PDIA5: variants seen among roughly 807,000 people sequenced by gnomAD.
The protein encoded by PDIA5 is protein disulfide-isomerase A5.
PDIA5 carries 58 observed loss-of-function variants against 77.6 expected under a neutral mutation model. The observed-to-expected ratio is 0.75, with a 90% CI of 0.61 to 0.93. The LOEUF is 0.93. PDIA5 is among the 40% of genes least tolerant of loss of function. PDIA5 has a pLI of 0.00. For missense variants in PDIA5, 630 were observed against 647.7 expected (o/e 0.97, Z 0.30); for synonymous variants, 250 against 252.1 (o/e 0.99, Z 0.08).
At chr3:123,092,282 C>A in intron 2 of PDIA5, 73 bp from the exon 3 acceptor site, 2 of 1,252,730 alleles carry the variant, frequency 1.6e-6, no homozygotes, top group Non-Finnish European at 2.3e-6. Context: ...CTTCCTCACC[C>A]CTGAGGGAAG....
At chr3:123,161,257 G>C in intron 15 of PDIA5, 64 bp from the exon 16 acceptor site, 1 of 1,547,884 alleles carries the variant, frequency 6.5e-7, no homozygotes, top group African/African-American at 1.4e-5. Context: ...TGCAATCTGT[G>C]TTGTGGGGTC....
intron 14 of PDIA5, among the ~76,000 whole-genome samples, 199 bp downstream of exon 14, chr3:123,150,563 G>A (rs1006427074): frequency 1.3e-5 from 2 of 152,044 alleles, no homozygotes; most frequent in African/African-American, 2.4e-5. Context: ...TGTCAGACTC[G>A]TCGGGCTCTC....
chr3:123,093,856 T>C (rs956520629), intron 3 of PDIA5, among the ~76,000 whole-genome samples: 26 of 152,284 alleles, frequency 1.7e-4, no homozygotes, highest in African/African-American at 5.8e-4. Flanking sequence ...CGGAGCACAA[T>C]ACCACGCGCT....
At chr3:123,115,778 G>A (rs140578473) in intron 7 of PDIA5, among the ~76,000 whole-genome samples, 60 of 152,360 alleles carry the variant, frequency 3.9e-4, no homozygotes, top group South Asian at 2.1e-3. Context: ...GATCGTATTC[G>A]TGGTCACACA....
chr3:123,106,627 C>G (rs767395732), intron 5 of PDIA5, 122 bp from the exon 6 acceptor site: 1 of 710,358 alleles, frequency 1.4e-6, no homozygotes, highest in Non-Finnish European at 2.5e-6. Flanking sequence ...CACATGCAGT[C>G]CTGAGCTCAG....
At chr3:123,154,838 G>A in intron 14 of PDIA5, 133 bp from the exon 15 acceptor site, 1 of 702,452 alleles carries the variant, frequency 1.4e-6, no homozygotes. Context: ...TTGACAAAAG[G>A]ACCCTGACAG....
In PDIA5 at chr3:123,116,132, T is replaced by TTC. The variant is rs1576449939; in HGVS notation, c.542-99_542-98insTC. Reference sequence around the variant, plus strand: ...CCTGAGCTTCTCAAGGCTGGATAAGTGCTTGTTGGGTAGAGGATGGCCATG... The same window carrying TTC: ...CCTGAGCTTCTCAAGGCTGGATAAGTTCGCTTGTTGGGTAGAGGATGGCCATG... On this transcript the variant is annotated intron_variant, in intron 7 of 16. Coordinates refer to ENST00000316218, the MANE Select transcript of PDIA5 (RefSeq NM_006810.4). 35 of 931,534 alleles carry TTC rather than the reference T, an allele frequency of 3.8e-5. No homozygotes were observed. The East Asian group carries it at 8.4e-4, about 22-fold the overall frequency. 57.7% of individuals were successfully genotyped at this position (931,534 alleles called of 1,614,324 possible). A position where few individuals can be genotyped will look rare whatever the true frequency, so the allele number is the denominator to read the frequency against.
intron 11 of PDIA5, among the ~76,000 whole-genome samples, chr3:123,133,888 A>G (rs1408347779): frequency 6.6e-6 from 1 of 152,230 alleles, no homozygotes. Context: ...ATAATATAGG[A>G]AAGTATAGAG....
chr3:123,082,455 C>T (rs759704134), intron 1 of PDIA5, among the ~76,000 whole-genome samples: 2 of 151,968 alleles, frequency 1.3e-5, no homozygotes, highest in African/African-American at 2.4e-5. Context: ...GAGGGGTAAA[C>T]GAGTTAGTGG....
chr3:123,124,207 A>C, intron 9 of PDIA5, 50 bp downstream of exon 9: 1 of 1,569,834 alleles, frequency 6.4e-7, no homozygotes, highest in Non-Finnish European at 8.8e-7. Flanking sequence ...CTGGTGATTG[A>C]CCATAATCTC....
At chr3:123,124,927 C>T (rs980904044) in intron 10 of PDIA5, among the ~76,000 whole-genome samples, 3 of 152,216 alleles carry the variant, frequency 2.0e-5, no homozygotes, top group Non-Finnish European at 2.9e-5. Flanking sequence ...CCCCCACAGG[C>T]ATTGCTTCAT....
intron 1 of PDIA5, among the ~76,000 whole-genome samples, chr3:123,083,138 G>C (rs1934053534): frequency 6.6e-6 from 1 of 151,600 alleles, no homozygotes; most frequent in South Asian, 2.1e-4. Flanking sequence ...CTGGCACTCT[G>C]GTGCTGTTGG....
At chr3:123,111,131 A>G (rs533596192) in intron 7 of PDIA5, 127 bp downstream of exon 7, 3 of 706,370 alleles carry the variant, frequency 4.2e-6, no homozygotes, top group Non-Finnish European at 7.7e-6. Flanking sequence ...GCTGAATCTC[A>G]TCTCTCCATC....
chr3:123,135,909 C>T (rs1288837181), intron 11 of PDIA5, among the ~76,000 whole-genome samples: 2 of 148,866 alleles, frequency 1.3e-5, no homozygotes, highest in East Asian at 2.0e-4. Flanking sequence ...TATCATGCCA[C>T]GAAGGGCCTT....
rs767841407 is a variant in PDIA5, at chr3:123,106,787, A to G, written c.426A>G (p.Pro142=). 2 of 1,612,874 alleles carry G rather than the reference A, an allele frequency of 1.2e-6. No individual in the cohort carries two copies. The highest frequency in any genetic ancestry group is 8.5e-7 in the Non-Finnish European group (1 of 1,179,634). Residue 142 remains proline (P), a synonymous_variant, in exon 6 of 17, where the codon CCA becomes CCG. Coordinates refer to ENST00000316218, the MANE Select transcript of PDIA5 (RefSeq NM_006810.4). ...TTTTGAAGGATCCAAAAGGGCCCCC[A>G]CTGTGGGAGGAAGATCCTGGAGCCA... is the stretch of plus-strand genomic sequence containing the variant. ...VAFLKDPKGP[P]LWEEDPGAKD...
intron 3 of PDIA5, among the ~76,000 whole-genome samples, chr3:123,097,660 T>C (rs917677314): frequency 1.3e-5 from 2 of 152,116 alleles, no homozygotes; most frequent in Non-Finnish European, 2.9e-5. Flanking sequence ...AGGCAGTCAC[T>C]CAGTATTTCT....
At chr3:123,084,318 T>G (rs937965615) in intron 1 of PDIA5, among the ~76,000 whole-genome samples, 4 of 152,186 alleles carry the variant, frequency 2.6e-5, no homozygotes, top group Admixed American at 2.6e-4. Context: ...CCACGTGTAC[T>G]GCTGACATTC....
At chr3:123,137,354 G>C (rs1307316492) in intron 11 of PDIA5, among the ~76,000 whole-genome samples, 1 of 152,102 alleles carries the variant, frequency 6.6e-6, no homozygotes, top group Non-Finnish European at 1.5e-5. Flanking sequence ...TTTTCTGCTA[G>C]GTCTTTTTAT....
chr3:123,153,731 G>C lies in PDIA5; in HGVS notation c.1274-1240G>C, dbSNP rs115605033. On this transcript the variant is annotated intron_variant, in intron 14 of 16. Transcript: ENST00000316218. ...CCAGCCAGGCCATGTGGGTGGTCCT[G>C]CTCATCTCAAGACTGGCTCAAGGAC... Among the ~76,000 whole-genome samples, 400 of 152,286 alleles carry C rather than the reference G, an allele frequency of 2.6e-3. 5 individuals are homozygous for C. The highest frequency in any genetic ancestry group is 8.8e-3 in the African/African-American group (367 of 41,574).
Sources: allele counts gnomAD v4.1 joint callset (sites outside exome capture counted in the v4.1 genomes callset), GRCh38; gene constraint gnomAD v4.1.1; transcripts MANE v1.5; gene names NCBI Gene and HGNC (gene_info 2026-07-23, HGNC 2026-07-21).